BRAF: variants seen among roughly 807,000 people sequenced by gnomAD.
The protein encoded by BRAF is serine/threonine-protein kinase B-raf.
In BRAF, 16 loss-of-function variants were observed where a neutral mutation model predicts 104.6. The ratio of observed to expected loss-of-function variants is 0.15; its 90% CI spans 0.10 to 0.23. The LOEUF is 0.23. Among genes scored for constraint, BRAF ranks in the 10% least tolerant of loss-of-function variants. BRAF has a pLI of 1.00. For missense variants in BRAF, 541 were observed against 937.3 expected (o/e 0.58, Z 5.52); for synonymous variants, 310 against 341.6 (o/e 0.91, Z 1.02).
intron 12 of BRAF, among the ~76,000 whole-genome samples, chr7:140,778,892 C>T (rs1800578389): frequency 6.6e-6 from 1 of 152,030 alleles, no homozygotes; most frequent in Non-Finnish European, 1.5e-5. Flanking sequence ...GGTATATATA[C>T]CCATCAATGG....
chr7:140,907,747 C>CTT (rs565747786), intron 1 of BRAF, among the ~76,000 whole-genome samples: 1 of 143,504 alleles, frequency 7.0e-6, no homozygotes, highest in Non-Finnish European at 1.5e-5. Context: ...ACCAAAGTAA[C>CTT]TTTTTTTTTT....
intron 3 of BRAF, among the ~76,000 whole-genome samples, chr7:140,831,546 A>G (rs1358998302): frequency 6.6e-6 from 1 of 152,190 alleles, no homozygotes. Flanking sequence ...TTTGTTCCAT[A>G]TATACAGAAG....
chr7:140,851,196 G>GT (rs139466997), intron 1 of BRAF, among the ~76,000 whole-genome samples: 1 of 151,750 alleles, frequency 6.6e-6, no homozygotes, highest in Non-Finnish European at 1.5e-5. Context: ...AAGTAATCAG[G>GT]TTTTTTTTCT....
intron 1 of BRAF, among the ~76,000 whole-genome samples, chr7:140,855,342 C>T (rs1010896404): frequency 6.6e-6 from 1 of 151,988 alleles, no homozygotes; most frequent in African/African-American, 2.4e-5. Flanking sequence ...AAAAGATCTC[C>T]TCTCCTGTTT....
intron 1 of BRAF, among the ~76,000 whole-genome samples, chr7:140,891,981 G>A (rs527638546): frequency 2.0e-5 from 3 of 152,192 alleles, no homozygotes; most frequent in Admixed American, 6.5e-5. Context: ...GTAAGGCCAG[G>A]TGCAGTGGCT....
chr7:140,753,302 T>C lies in BRAF; in HGVS notation c.1953A>G (p.Glu651=), dbSNP rs1313501701. The C allele has an allele frequency of 6.2e-7, 1 of 1,611,908 alleles. No homozygotes were observed. The highest frequency in any genetic ancestry group is 1.1e-5 in the South Asian group (1 of 91,038). The stretch of plus-strand genomic sequence containing the variant: ...TCCACAAAATGGATCCAGACAACTG[T>C]TCAAACTGATGGGACCCACTCCATC... ...KSRWSGSHQF[E]QLSGSILWMA... is the part of the protein sequence containing the mutation. The change falls in exon 16 of 20, where the codon GAA becomes GAG. Residue 651 remains glutamate, a synonymous_variant. Transcript: ENST00000644969.
chr7:140,722,863 G>T lies in BRAF; in HGVS notation c.*3631C>A. 1 of 1,054,250 alleles carries T rather than the reference G, an allele frequency of 9.5e-7. No individual in the cohort carries two copies. The highest frequency in any genetic ancestry group is 1.1e-6 in the Non-Finnish European group (1 of 872,384). The allele number at this position is 1,054,250 out of a possible 1,614,324, so 65.3% of individuals were successfully genotyped here. A position where few individuals can be genotyped will look rare whatever the true frequency, so the allele number is the denominator to read the frequency against. ...AGATTCTGAAACGTACCCCTAAACC[G>T]GTTCTGGCACCACTTTCAACAACAT... On this transcript the variant is annotated 3_prime_UTR_variant, in exon 20 of 20. Transcript: ENST00000644969.
chr7:140,773,574 G>A (rs950389151), intron 14 of BRAF, among the ~76,000 whole-genome samples: 9 of 152,062 alleles, frequency 5.9e-5, no homozygotes, highest in Non-Finnish European at 2.9e-5. Context: ...TCCCAGTCCA[G>A]AGATATTTAT....
At chr7:140,870,552 T>G (rs1346899439) in intron 1 of BRAF, among the ~76,000 whole-genome samples, 1 of 151,956 alleles carries the variant, frequency 6.6e-6, no homozygotes, top group Non-Finnish European at 1.5e-5. Flanking sequence ...TAGGTAATCT[T>G]AGTACTTCAA....
At chr7:140,866,866 A>G (rs190168769) in intron 1 of BRAF, among the ~76,000 whole-genome samples, 23 of 152,314 alleles carry the variant, frequency 1.5e-4, no homozygotes, top group Admixed American at 2.6e-4. Context: ...AATAAAGAAC[A>G]GTATTTTTCA....
intron 6 of BRAF, chr7:140,800,890 C>T (rs1803033288): frequency 3.4e-6 from 1 of 294,852 alleles, no homozygotes; most frequent in Non-Finnish European, 6.5e-6. Context: ...AGATAATAGA[C>T]TCAGTCTAAT....
chr7:140,789,557 T>C (rs1226291896), intron 8 of BRAF, among the ~76,000 whole-genome samples: 1 of 152,236 alleles, frequency 6.6e-6, no homozygotes, highest in South Asian at 2.1e-4. Context: ...CTAACAAATA[T>C]AAAAATCCTA....
chr7:140,786,162 C>T lies in BRAF; in HGVS notation c.1178-354G>A, dbSNP rs561938963. 5.1e-4 allele frequency among the ~76,000 whole-genome samples: 78 copies of T among 152,096 alleles called. 1 individual carries two copies. The highest frequency in any genetic ancestry group is 6.8e-3 in the Middle Eastern group (2 of 294). On this transcript the variant is annotated intron_variant, in intron 9 of 19. Transcript: ENST00000644969. Reference sequence around the variant, plus strand: ...TCAAACTGGCAGCAACATTAATTGGCAGGTTCATGAAATAACAAACAGGAA... The same window carrying T: ...TCAAACTGGCAGCAACATTAATTGGTAGGTTCATGAAATAACAAACAGGAA...
In BRAF at chr7:140,720,417, A is replaced by G. The variant is rs909466612; in HGVS notation, c.*6077T>C. On this transcript the variant is annotated 3_prime_UTR_variant, in exon 20 of 20. Coordinates refer to ENST00000644969, the MANE Select transcript of BRAF (RefSeq NM_001374258.1). ...GTAAACTAACATAACATGAAGATAA[A>G]TAAGACATAAAGGCTAGCCACTTAC... The G allele has an allele frequency of 3.8e-6, 4 of 1,062,366 alleles. No homozygotes were observed. Among genetic ancestry groups the G allele is most frequent in the East Asian group, 5.1e-5 (1 of 19,640 alleles). The allele number at this position is 1,062,366 out of a possible 1,614,324, so 65.8% of individuals were successfully genotyped here. A position where few individuals can be genotyped will look rare whatever the true frequency, so the allele number is the denominator to read the frequency against.
At chr7:140,899,883 G>A (rs1229191101) in intron 1 of BRAF, among the ~76,000 whole-genome samples, 1 of 152,130 alleles carries the variant, frequency 6.6e-6, no homozygotes, top group Non-Finnish European at 1.5e-5. Flanking sequence ...AAAGAATATG[G>A]CAGAAGTGAT....
chr7:140,824,997 G>A (rs1805869222), intron 3 of BRAF, among the ~76,000 whole-genome samples: 2 of 148,108 alleles, frequency 1.4e-5, no homozygotes, highest in Admixed American at 6.7e-5. Flanking sequence ...TTGAGATGGA[G>A]TCTCACTCTG....
chr7:140,738,782 A>AT (rs1796657748), intron 18 of BRAF, among the ~76,000 whole-genome samples: 1 of 151,916 alleles, frequency 6.6e-6, no homozygotes, highest in Non-Finnish European at 1.5e-5. Flanking sequence ...ATGCCCAGCT[A>AT]ATTTTTGTAT....
At chr7:140,911,684 A>C (rs1816998963) in intron 1 of BRAF, among the ~76,000 whole-genome samples, 1 of 152,206 alleles carries the variant, frequency 6.6e-6, no homozygotes, top group South Asian at 2.1e-4. Context: ...GTTTGAAAGA[A>C]AGTAATGATG....
intron 2 of BRAF, among the ~76,000 whole-genome samples, chr7:140,848,552 G>A (rs1171164230): frequency 6.6e-6 from 1 of 152,178 alleles, no homozygotes; most frequent in Admixed American, 6.5e-5. Context: ...CTATAGTGGG[G>A]ACATAGCTAT....
Sources: gnomAD v4.1 joint callset for allele counts (sites outside exome capture counted in the v4.1 genomes callset) on GRCh38, gnomAD v4.1.1 for gene constraint, MANE v1.5 for transcripts, NCBI Gene and HGNC (gene_info 2026-07-23, HGNC 2026-07-21) for gene names.